The following MYT1L variants were observed in gnomAD, a reference collection of about 807,000 sequenced individuals.
The protein encoded by MYT1L is myelin transcription factor 1 like, also known as myelin transcription factor 1-like protein.
Under a neutral mutation model 126.7 loss-of-function variants are expected in MYT1L, and 12 were observed. The ratio of observed to expected loss-of-function variants is 0.09; its 90% CI spans 0.06 to 0.15. The LOEUF (loss-of-function observed/expected upper bound fraction) is 0.15, where lower values mean the gene tolerates loss of function less well. Ranked by LOEUF, MYT1L falls within the 10% of genes least tolerant of loss-of-function variation. The pLI, the probability that MYT1L is intolerant of heterozygous loss-of-function variation, is 1.00. For synonymous variants in MYT1L, 541 were observed against 604.2 expected (o/e 0.90, Z 1.53); for missense variants, 979 against 1,585.2 (o/e 0.62, Z 6.49).
chr2:2,251,925 A>G (rs996940045), intron 2 of MYT1L, among the ~76,000 whole-genome samples: 1 of 151,814 alleles, frequency 6.6e-6, no homozygotes, highest in African/African-American at 2.4e-5. Flanking sequence ...GAAAGAAAGA[A>G]AGAAGAAAAG....
chr2:1,815,136 G>T (rs1287201291), intron 21 of MYT1L, among the ~76,000 whole-genome samples: 1 of 152,220 alleles, frequency 6.6e-6, no homozygotes, highest in Non-Finnish European at 1.5e-5. Flanking sequence ...AGGCCTGGGA[G>T]AACAGGTGAG....
rs557759413 is a variant in MYT1L, at chr2:2,211,477, T to A, written c.-420-38489A>T. Among the ~76,000 whole-genome samples the A allele has an allele frequency of 5.3e-5, 8 of 152,288 alleles. No individual in the cohort carries two copies. In the East Asian group the frequency reaches 7.7e-4, roughly 15 times the overall value. On this transcript the variant is annotated intron_variant, in intron 2 of 24. Transcript: ENST00000647738. Reference sequence around the variant, plus strand: ...CCACTAATAGCAAATTTGAAGCACATGTCTTTATTACAAGAGAAAAATAAC... The same window carrying A: ...CCACTAATAGCAAATTTGAAGCACAAGTCTTTATTACAAGAGAAAAATAAC...
At chr2:1,906,972 T>C (rs953053160) in intron 13 of MYT1L, among the ~76,000 whole-genome samples, 4 of 150,468 alleles carry the variant, frequency 2.7e-5, no homozygotes, top group African/African-American at 9.8e-5. Flanking sequence ...ATTAGCCAGG[T>C]GTGGTGGTGC....
intron 21 of MYT1L, among the ~76,000 whole-genome samples, chr2:1,812,534 T>C (rs1199713840): frequency 6.6e-6 from 1 of 152,142 alleles, no homozygotes; most frequent in African/African-American, 2.4e-5. Flanking sequence ...AGGTGCAGAC[T>C]GAGCCCTCAA....
intron 2 of MYT1L, among the ~76,000 whole-genome samples, chr2:2,192,537 G>A (rs1002466824): frequency 6.6e-6 from 1 of 152,026 alleles, no homozygotes; most frequent in African/African-American, 2.4e-5. Context: ...TACGGAGAGC[G>A]TCTGTTGGTC....
In MYT1L at chr2:1,791,852, C is replaced by A; in HGVS notation, c.*15G>T. The A allele has an allele frequency of 6.5e-7, 1 of 1,539,532 alleles. No individual in the cohort carries two copies. Among genetic ancestry groups the A allele is most frequent in the Non-Finnish European group, 8.7e-7 (1 of 1,148,760 alleles). On this transcript the variant is annotated 3_prime_UTR_variant, in exon 25 of 25. Transcript: ENST00000647738. The surrounding 1 kb of genome is among the most constrained non-coding windows in gnomAD (Gnocchi z 6.0). Reference sequence around the variant, plus strand: ...CATCCTTTTTAAGCAAGAGTTTCATCACTACAGCAGCTGTTCAGACCTGAA... The same window carrying A: ...CATCCTTTTTAAGCAAGAGTTTCATAACTACAGCAGCTGTTCAGACCTGAA...
At chr2:1,956,625 TAC>T (rs1430637288) in intron 8 of MYT1L, among the ~76,000 whole-genome samples, 19 of 151,600 alleles carry the variant, frequency 1.3e-4, no homozygotes, top group Non-Finnish European at 1.6e-4. Context: ...TCTATCTACC[TAC>T]CTACCTATCT....
Position 1,979,144 on chromosome 2 carries a change from A to G in MYT1L, c.152+21T>C, listed in dbSNP as rs755048528. 1.5e-4 allele frequency: 183 copies of G among 1,227,528 alleles called. No individual in the cohort carries two copies. Among genetic ancestry groups the G allele is most frequent in the Non-Finnish European group, 1.6e-4 (154 of 937,100 alleles). The allele number at this position is 1,227,528 out of a possible 1,614,324, so 76.0% of individuals were successfully genotyped here. ...AGTCACTTTAGACAGCACATTGTGGAAAAAAAAATGCAGGCATTACCTTCT... is the reference window on the plus strand; with the variant it reads ...AGTCACTTTAGACAGCACATTGTGGGAAAAAAAATGCAGGCATTACCTTCT... On this transcript the variant is annotated intron_variant, in intron 8 of 24. Transcript: ENST00000647738. This position sits in a 1 kb window ranked among gnomAD's most constrained non-coding sequence, Gnocchi z 4.0.
At chr2:2,147,274 T>C (rs183490299) in intron 3 of MYT1L, among the ~76,000 whole-genome samples, 10 of 152,298 alleles carry the variant, frequency 6.6e-5, no homozygotes, top group South Asian at 2.1e-4. Context: ...TGTCAGAGCG[T>C]TGGTGTCAAA....
At chr2:1,880,688 C>T (rs1461552543) in intron 18 of MYT1L, among the ~76,000 whole-genome samples, 1 of 152,162 alleles carries the variant, frequency 6.6e-6, no homozygotes, top group Non-Finnish European at 1.5e-5. Flanking sequence ...TACTGTCCCG[C>T]TTCACAGGGA....
chr2:2,143,312 T>C (rs896078134), intron 3 of MYT1L, among the ~76,000 whole-genome samples: 2 of 146,520 alleles, frequency 1.4e-5, no homozygotes, highest in African/African-American at 5.0e-5. Context: ...AAAAAAAAGT[T>C]GTAGATTCTG....
At chr2:2,058,201 C>A (rs1289720753) in intron 3 of MYT1L, among the ~76,000 whole-genome samples, 1 of 152,210 alleles carries the variant, frequency 6.6e-6, no homozygotes, top group Non-Finnish European at 1.5e-5. Flanking sequence ...AATTAAATAT[C>A]TTTTCATGTA....
At chr2:2,065,551 T>C (rs781530714) in intron 3 of MYT1L, among the ~76,000 whole-genome samples, 12 of 152,060 alleles carry the variant, frequency 7.9e-5, no homozygotes. Flanking sequence ...TCCCCTAACC[T>C]GAAATTACCA....
At chr2:2,009,071 C>T (rs967394833) in intron 4 of MYT1L, among the ~76,000 whole-genome samples, 1 of 151,456 alleles carries the variant, frequency 6.6e-6, no homozygotes, top group African/African-American at 2.4e-5. Context: ...TATCATACTG[C>T]TTTAATATCT....
At chr2:2,231,150 G>A (rs1371320806) in intron 2 of MYT1L, among the ~76,000 whole-genome samples, 1 of 152,126 alleles carries the variant, frequency 6.6e-6, no homozygotes, top group Non-Finnish European at 1.5e-5. Context: ...TTATTTCACT[G>A]GTTCCCAGAC....
At chr2:1,913,444 C>T (rs74926462) in intron 11 of MYT1L, among the ~76,000 whole-genome samples, 2,101 of 152,266 alleles carry the variant, frequency 0.014, 37 homozygotes, top group South Asian at 0.05. Context: ...GCACAGTTCC[C>T]TGCCCCCTTC....
chr2:2,100,829 A>T (rs1021491471), intron 3 of MYT1L, among the ~76,000 whole-genome samples: 5 of 152,186 alleles, frequency 3.3e-5, no homozygotes, highest in African/African-American at 1.2e-4. Context: ...TATAACAGAC[A>T]TCCTTCTATC....
chr2:1,887,453 A>G lies in MYT1L; in HGVS notation c.2642+35T>C. ...AATCAGCCAAAGAATGGGAAGATTA[A>G]GAAGATTCATAATTTCACCTCACAG... On this transcript the variant is annotated intron_variant, in intron 17 of 24. Transcript: ENST00000647738. This position sits in a 1 kb window ranked among gnomAD's most constrained non-coding sequence, Gnocchi z 4.8. The G allele has an allele frequency of 6.2e-7, 1 of 1,613,584 alleles. No individual in the cohort carries two copies. The highest frequency in any genetic ancestry group is 1.7e-4 in the Middle Eastern group (1 of 6,056).
chr2:2,024,074 T>A (rs1459498619), intron 4 of MYT1L, among the ~76,000 whole-genome samples: 1 of 152,198 alleles, frequency 6.6e-6, no homozygotes, highest in Non-Finnish European at 1.5e-5. Flanking sequence ...CAAATGCCAA[T>A]TTCAAATAAT....
Sources: allele counts gnomAD v4.1 joint callset (sites outside exome capture counted in the v4.1 genomes callset), GRCh38; gene constraint gnomAD v4.1.1; non-coding constraint Gnocchi (gnomAD v3.1); transcripts MANE v1.5; gene names NCBI Gene and HGNC (gene_info 2026-07-23, HGNC 2026-07-21).